Variants in GAS7 observed in about 807,000 individuals in gnomAD.
GAS7 encodes the protein growth arrest specific 7.
In GAS7, 28 loss-of-function variants were observed where a neutral mutation model predicts 71.1. That is an observed-to-expected ratio of 0.39 (90% confidence interval 0.29 to 0.54). The LOEUF (loss-of-function observed/expected upper bound fraction) is 0.54. Ranked by LOEUF, GAS7 falls within the 20% of genes least tolerant of loss-of-function variation. GAS7 has a pLI of 0.62. For synonymous variants in GAS7, 258 were observed against 245.8 expected (o/e 1.05, Z -0.46); for missense variants, 436 against 627.8 (o/e 0.69, Z 3.27).
At chr17:10,059,865 G>C (rs1424504883) in intron 1 of GAS7, 1 of 937,986 alleles carries the variant, frequency 1.1e-6, no homozygotes, top group Non-Finnish European at 1.3e-6. Context: ...TGACGTTGCC[G>C]TGGCAACCAA....
Position 9,974,704 on chromosome 17 carries a change from G to A in GAS7, c.386-4942C>T, listed in dbSNP as rs1041663057. ...CTTAGGAGGTGTCTAATGAGAGGAG[G>A]GGACAGATATTTGGGTAGAAAAGAG... On this transcript the variant is annotated intron_variant, in intron 3 of 13. Transcript: ENST00000432992. This position sits in a 1 kb window ranked among gnomAD's most constrained non-coding sequence, Gnocchi z 4.0. Among the ~76,000 whole-genome samples the A allele has an allele frequency of 6.6e-6, 1 of 152,070 alleles. No homozygotes were observed. Among genetic ancestry groups the A allele is most frequent in the Non-Finnish European group, 1.5e-5 (1 of 68,024 alleles).
intron 1 of GAS7, among the ~76,000 whole-genome samples, chr17:10,110,763 C>A (rs1397543704): frequency 6.6e-6 from 1 of 152,176 alleles, no homozygotes; most frequent in Non-Finnish European, 1.5e-5. Flanking sequence ...TGAGCCACTG[C>A]GCCCAGCCAG....
At chr17:10,134,101 G>A (rs967236061) in intron 1 of GAS7, among the ~76,000 whole-genome samples, 16 of 151,822 alleles carry the variant, frequency 1.1e-4, no homozygotes, top group Middle Eastern at 3.4e-3. Flanking sequence ...CGCGATCTCC[G>A]CTCACTGCAA....
At chr17:10,094,537 C>T (rs937281800) in intron 1 of GAS7, among the ~76,000 whole-genome samples, 16 of 151,992 alleles carry the variant, frequency 1.1e-4, no homozygotes, top group Non-Finnish European at 1.6e-4. Context: ...GGCGCGATCT[C>T]GGCTCACTGC....
At chr17:10,177,993 A>G (rs1441436524) in intron 1 of GAS7, among the ~76,000 whole-genome samples, 1 of 152,098 alleles carries the variant, frequency 6.6e-6, no homozygotes, top group Non-Finnish European at 1.5e-5. Flanking sequence ...AGCAAAGCTG[A>G]CAGGCAGGGA....
intron 3 of GAS7, among the ~76,000 whole-genome samples, chr17:9,975,506 C>CTTCCTTT (rs1735481379): frequency 6.6e-6 from 1 of 151,330 alleles, no homozygotes. Context: ...TCCTTCTACC[C>CTTCCTTT]ATCCTCCTTC....
intron 1 of GAS7, among the ~76,000 whole-genome samples, chr17:10,197,023 T>C (rs2142160745): frequency 6.6e-6 from 1 of 152,330 alleles, no homozygotes; most frequent in Middle Eastern, 3.4e-3. Flanking sequence ...CAAATGCTAC[T>C]GATGCCTTTA....
intron 1 of GAS7, among the ~76,000 whole-genome samples, chr17:10,151,538 T>C (rs2142108114): frequency 6.6e-6 from 1 of 152,314 alleles, no homozygotes; most frequent in East Asian, 1.9e-4. Context: ...TCTACGTACC[T>C]ACCTACCATC....
chr17:10,016,140 C>A (rs953555307), intron 2 of GAS7, among the ~76,000 whole-genome samples: 4 of 152,194 alleles, frequency 2.6e-5, no homozygotes, highest in South Asian at 2.1e-4. Flanking sequence ...AATGCCAGTA[C>A]TTTGGGAGGC....
intron 2 of GAS7, among the ~76,000 whole-genome samples, chr17:10,001,647 G>C (rs1298146035): frequency 1.3e-5 from 2 of 152,148 alleles, no homozygotes; most frequent in South Asian, 2.1e-4. Flanking sequence ...CAGGATTCTG[G>C]AAATGCAAGG....
intron 4 of GAS7, among the ~76,000 whole-genome samples, chr17:9,963,058 A>G (rs1293418581): frequency 1.3e-5 from 2 of 152,154 alleles, no homozygotes; most frequent in East Asian, 1.9e-4. Context: ...AAAAAAGAAA[A>G]AAAGGTGTAA....
chr17:9,966,933 A>C (rs975262185), intron 4 of GAS7, among the ~76,000 whole-genome samples: 9 of 152,196 alleles, frequency 5.9e-5, no homozygotes, highest in Non-Finnish European at 1.2e-4. Flanking sequence ...TACCCTTTCA[A>C]AGCCTAAAAG....
At chr17:10,142,525 C>T (rs2074090875) in intron 1 of GAS7, among the ~76,000 whole-genome samples, 2 of 152,088 alleles carry the variant, frequency 1.3e-5, no homozygotes, top group Admixed American at 1.3e-4. Flanking sequence ...CGCACCACCA[C>T]TACCAGCTAA....
chr17:9,923,047 T>C (rs779530370), intron 11 of GAS7, among the ~76,000 whole-genome samples: 21 of 152,178 alleles, frequency 1.4e-4, no homozygotes, highest in Non-Finnish European at 2.9e-4. Flanking sequence ...TAGCTTGGAT[T>C]ACAGGCACAC....
intron 5 of GAS7, among the ~76,000 whole-genome samples, chr17:9,947,833 CAAAAAAA>C (rs10618544): frequency 3.1e-5 from 3 of 95,812 alleles, no homozygotes; most frequent in Non-Finnish European, 8.0e-5. Flanking sequence ...AGGTTAAAAA[CAAAAAAA>C]AAAAAAAAGC....
intron 1 of GAS7, among the ~76,000 whole-genome samples, chr17:10,101,116 AC>A (rs1188118016): frequency 2.0e-5 from 3 of 151,550 alleles, no homozygotes; most frequent in African/African-American, 7.3e-5. Flanking sequence ...AACAAAAAAA[AC>A]CAAATATGGT....
intron 1 of GAS7, among the ~76,000 whole-genome samples, chr17:10,038,366 CAAAT>C (rs1001398601): frequency 1.9e-3 from 296 of 152,174 alleles, no homozygotes; most frequent in African/African-American, 6.9e-3. Flanking sequence ...AACAAATAAA[CAAAT>C]ATCAACAAAA....
At position 10,135,517 on chromosome 17, in the gene GAS7, A is replaced by G. The variant is rs548749829; in HGVS notation, c.183+62691T>C. Among the ~76,000 whole-genome samples, 5 of 152,344 alleles carry G rather than the reference A, an allele frequency of 3.3e-5. No individual in the cohort carries two copies. In the East Asian group the frequency reaches 9.6e-4, roughly 29 times the overall value. ...AGATTTCTCTTCGATTAAGGGGGTGAGCAGCTATAAATGCCCCCATCACGC... is the reference window on the plus strand; with the variant it reads ...AGATTTCTCTTCGATTAAGGGGGTGGGCAGCTATAAATGCCCCCATCACGC... On this transcript the variant is annotated intron_variant, in intron 1 of 13. Coordinates refer to ENST00000432992, the MANE Select transcript of GAS7 (RefSeq NM_201433.2).
intron 2 of GAS7, among the ~76,000 whole-genome samples, chr17:9,993,133 C>G (rs2070909858): frequency 6.6e-6 from 1 of 151,548 alleles, no homozygotes; most frequent in Non-Finnish European, 1.5e-5. Context: ...AATGGGATGG[C>G]TGGGTCAAAT....
Sources: gnomAD v4.1 joint callset for allele counts (sites outside exome capture counted in the v4.1 genomes callset) on GRCh38, gnomAD v4.1.1 for gene constraint, Gnocchi (gnomAD v3.1) non-coding constraint, MANE v1.5 for transcripts, NCBI Gene and HGNC (gene_info 2026-07-23, HGNC 2026-07-21) for gene names.